The following SEM1 variants were observed in gnomAD, a reference collection of about 807,000 sequenced individuals.
The protein encoded by SEM1 is 26S proteasome complex subunit SEM1.
SEM1 carries 3 observed loss-of-function variants against 12.7 expected under a neutral mutation model. The ratio of observed to expected loss-of-function variants is 0.24; its 90% CI spans 0.11 to 0.61. SEM1 has a LOEUF of 0.61. SEM1 is among the 20% of genes least tolerant of loss of function. SEM1 has a pLI of 0.88. For missense variants in SEM1, 59 were observed against 81.3 expected (o/e 0.73, Z 1.06); for synonymous variants, 30 against 27.8 (o/e 1.08, Z -0.25).
At chr7:96,639,030 T>A (rs1474105891) in intron 2 of SEM1, among the ~76,000 whole-genome samples, 1 of 151,972 alleles carries the variant, frequency 6.6e-6, no homozygotes, top group Non-Finnish European at 1.5e-5. Flanking sequence ...TGAGCAGATC[T>A]TAGGATACCA....
intron 1 of SEM1, among the ~76,000 whole-genome samples, chr7:96,492,758 CATGTGTGTGT>C (rs1266652432): frequency 0.026 from 2,487 of 94,716 alleles, 75 homozygotes; most frequent in African/African-American, 0.092. Flanking sequence ...GAATAATATT[CATGTGTGTGT>C]GTGTGTGTGT....
chr7:96,600,157 T>A (rs1383245704), intron 2 of SEM1, among the ~76,000 whole-genome samples: 2 of 152,202 alleles, frequency 1.3e-5, no homozygotes, highest in Non-Finnish European at 2.9e-5. Flanking sequence ...ATATATTTGG[T>A]CTTTGTGCTG....
intron 1 of SEM1, among the ~76,000 whole-genome samples, chr7:96,492,205 C>T (rs1312963923): frequency 6.6e-6 from 1 of 152,156 alleles, no homozygotes; most frequent in Non-Finnish European, 1.5e-5. Context: ...AAACTGAATT[C>T]TGTACCCATT....
intron 2 of SEM1, among the ~76,000 whole-genome samples, chr7:96,582,996 A>T (rs79836318): frequency 0.54 from 80,327 of 149,550 alleles, 23,255 homozygotes; most frequent in Non-Finnish European, 0.67. Context: ...GATTTTAGTT[A>T]TTTCTTGCCT....
intron 2 of SEM1, among the ~76,000 whole-genome samples, chr7:96,592,720 A>C (rs1367315900): frequency 6.6e-6 from 1 of 151,732 alleles, no homozygotes; most frequent in East Asian, 2.0e-4. Flanking sequence ...GGCCTAAGTC[A>C]TTTTCTTAAC....
intron 2 of SEM1, among the ~76,000 whole-genome samples, chr7:96,520,272 C>T (rs573211389): frequency 6.6e-6 from 1 of 152,216 alleles, no homozygotes; most frequent in East Asian, 1.9e-4. Context: ...GCTTGCTCTG[C>T]CACATATTTC....
intron 2 of SEM1, among the ~76,000 whole-genome samples, chr7:96,662,912 T>TCA (rs2116531695): frequency 6.6e-6 from 1 of 152,306 alleles, no homozygotes; most frequent in Admixed American, 6.5e-5. Flanking sequence ...GTAGAAAGTG[T>TCA]AAACCATAAA....
downstream of SEM1, among the ~76,000 whole-genome samples, chr7:96,620,743 T>TGGA (rs1251728046): frequency 6.6e-6 from 1 of 152,232 alleles, no homozygotes; most frequent in Non-Finnish European, 1.5e-5. Flanking sequence ...TTCCTCTCCA[T>TGGA]GGAGGGCGCA....
At chr7:96,631,668 C>A (rs1270364166) in intron 2 of SEM1, among the ~76,000 whole-genome samples, 1 of 152,004 alleles carries the variant, frequency 6.6e-6, no homozygotes, top group East Asian at 1.9e-4. Flanking sequence ...AATAAAACAC[C>A]AAAAGCAATG....
At chr7:96,525,816 A>T (rs1804444668) in intron 2 of SEM1, among the ~76,000 whole-genome samples, 1 of 152,124 alleles carries the variant, frequency 6.6e-6, no homozygotes, top group Non-Finnish European at 1.5e-5. Flanking sequence ...CTACACTTGC[A>T]AGGGATCTAG....
At chr7:96,697,387 C>A (rs1016836872) in intron 1 of SEM1, 2 of 152,052 alleles carry the variant, frequency 1.3e-5, no homozygotes, top group African/African-American at 4.8e-5. Context: ...CTAAGTATCA[C>A]CTTGACATTT....
chr7:96,692,721 T>C (rs187669119), intron 2 of SEM1, among the ~76,000 whole-genome samples: 2 of 152,130 alleles, frequency 1.3e-5, no homozygotes, highest in Non-Finnish European at 2.9e-5. Context: ...TTGGAACAGA[T>C]GATGTAACAT....
intron 2 of SEM1, among the ~76,000 whole-genome samples, chr7:96,564,518 C>T (rs1805787744): frequency 6.6e-6 from 1 of 152,148 alleles, no homozygotes; most frequent in Middle Eastern, 3.4e-3. Flanking sequence ...GGTATGTTTA[C>T]TTGTTAAAAG....
At chr7:96,599,589 A>G (rs147102201) in intron 2 of SEM1, among the ~76,000 whole-genome samples, 83 of 152,284 alleles carry the variant, frequency 5.5e-4, no homozygotes, top group African/African-American at 1.9e-3. Context: ...TATTGTAAGT[A>G]TTAAGTTATC....
chr7:96,700,739 G>A (rs1218225223), intron 1 of SEM1, among the ~76,000 whole-genome samples: 4 of 152,070 alleles, frequency 2.6e-5, no homozygotes, highest in Non-Finnish European at 5.9e-5. Flanking sequence ...TCATTCCATA[G>A]AACCAATGAA....
At chr7:96,683,286 CTCA>C (rs1789670150) in intron 2 of SEM1, among the ~76,000 whole-genome samples, 1 of 152,074 alleles carries the variant, frequency 6.6e-6, no homozygotes, top group South Asian at 2.1e-4. Flanking sequence ...TTAAAAAAAG[CTCA>C]TCATCACTAG....
chr7:96,560,388 G>T (rs79873527), intron 2 of SEM1, among the ~76,000 whole-genome samples: 4,636 of 152,124 alleles, frequency 0.03, 232 homozygotes, highest in African/African-American at 0.1. Context: ...TGCCTTAAAT[G>T]CTAATGAGTT....
At chr7:96,514,791 T>C (rs1804038393) in intron 2 of SEM1, among the ~76,000 whole-genome samples, 1 of 152,190 alleles carries the variant, frequency 6.6e-6, no homozygotes, top group Non-Finnish European at 1.5e-5. Context: ...AGACATACTA[T>C]GTTCATAGGT....
chr7:96,554,732 C>T (rs1805421970), intron 2 of SEM1, among the ~76,000 whole-genome samples: 1 of 150,088 alleles, frequency 6.7e-6, no homozygotes, highest in African/African-American at 2.4e-5. Context: ...GGGAGGATTC[C>T]CTCTTTTTCT....
Sources: allele counts gnomAD v4.1 joint callset (sites outside exome capture counted in the v4.1 genomes callset), GRCh38; gene constraint gnomAD v4.1.1; transcripts MANE v1.5; gene names NCBI Gene and HGNC (gene_info 2026-07-23, HGNC 2026-07-21).